Variants in KIAA0825 observed in about 807,000 individuals in gnomAD.
KIAA0825 encodes KIAA0825, also known as uncharacterized protein KIAA0825.
A neutral mutation model predicts 147.6 loss-of-function variants in KIAA0825; 119 were observed. That is an observed-to-expected ratio of 0.81 (90% CI 0.69 to 0.94). KIAA0825 has a LOEUF of 0.94. Among genes scored for constraint, KIAA0825 ranks in the 40% least tolerant of loss-of-function variants. The pLI is 0.00. For synonymous variants in KIAA0825, 470 were observed against 518.1 expected (o/e 0.91, Z 1.26); for missense variants, 1,381 against 1,472.7 (o/e 0.94, Z 1.02).
chr5:94,495,173 G>A (rs1434302277), intron 5 of KIAA0825, among the ~76,000 whole-genome samples: 1 of 152,188 alleles, frequency 6.6e-6, no homozygotes, highest in Non-Finnish European at 1.5e-5. Flanking sequence ...GCAATCCCTA[G>A]TGCCCACCTG....
intron 14 of KIAA0825, among the ~76,000 whole-genome samples, chr5:94,421,272 C>T (rs1022987444): frequency 5.3e-5 from 8 of 152,286 alleles, no homozygotes; most frequent in East Asian, 3.9e-4. Flanking sequence ...AAACAGGTGG[C>T]GGGAAGGGGC....
intron 16 of KIAA0825, among the ~76,000 whole-genome samples, chr5:94,396,928 T>C (rs1438485844): frequency 1.3e-5 from 2 of 151,856 alleles, no homozygotes; most frequent in Non-Finnish European, 1.5e-5. Flanking sequence ...TCAGGACTGG[T>C]TTCTCTCCTT....
chr5:94,198,975 G>A (rs1771402513), intron 20 of KIAA0825, among the ~76,000 whole-genome samples: 1 of 152,128 alleles, frequency 6.6e-6, no homozygotes, highest in Non-Finnish European at 1.5e-5. Flanking sequence ...TCCTTAGATT[G>A]GGTTTCAAAC....
chr5:94,602,706 C>T (rs184410240), intron 1 of KIAA0825, among the ~76,000 whole-genome samples: 21 of 152,248 alleles, frequency 1.4e-4, no homozygotes, highest in Admixed American at 9.2e-4. Context: ...TCCATTCTTC[C>T]CTCTCCTGCT....
At chr5:94,577,987 T>G (rs568044697) in intron 2 of KIAA0825, among the ~76,000 whole-genome samples, 1 of 152,308 alleles carries the variant, frequency 6.6e-6, no homozygotes, top group East Asian at 1.9e-4. Flanking sequence ...CATAATCAAG[T>G]GGCATTTAGC....
chr5:94,280,144 G>A (rs1413879918), intron 20 of KIAA0825, among the ~76,000 whole-genome samples: 2 of 152,016 alleles, frequency 1.3e-5, no homozygotes, highest in Non-Finnish European at 2.9e-5. Flanking sequence ...CTGGAGTTCG[G>A]AACACTAGTT....
chr5:94,229,331 C>A (rs1353307445), intron 20 of KIAA0825, among the ~76,000 whole-genome samples: 1 of 152,072 alleles, frequency 6.6e-6, no homozygotes, highest in East Asian at 1.9e-4. Context: ...TATTCTGATT[C>A]CCAGTGCTCT....
intron 14 of KIAA0825, among the ~76,000 whole-genome samples, chr5:94,434,755 C>T (rs1412467775): frequency 6.6e-6 from 1 of 152,134 alleles, no homozygotes; most frequent in African/African-American, 2.4e-5. Flanking sequence ...GGGCTAAACT[C>T]ATCCTTTTTA....
At chr5:94,301,002 GATGATAGGAAATTC>G (rs1778373503) in intron 20 of KIAA0825, among the ~76,000 whole-genome samples, 1 of 152,112 alleles carries the variant, frequency 6.6e-6, no homozygotes, top group African/African-American at 2.4e-5. Flanking sequence ...TTAATAGGTG[GATGATAGGAAATTC>G]ATAGGAAACA....
At chr5:94,244,310 CA>C (rs1775496499) in intron 20 of KIAA0825, among the ~76,000 whole-genome samples, 1 of 152,120 alleles carries the variant, frequency 6.6e-6, no homozygotes, top group African/African-American at 2.4e-5. Flanking sequence ...GACTTGGAAG[CA>C]TTCAAGTTTT....
intron 20 of KIAA0825, among the ~76,000 whole-genome samples, chr5:94,357,368 A>T (rs1784401736): frequency 6.6e-6 from 1 of 152,238 alleles, no homozygotes; most frequent in East Asian, 1.9e-4. Flanking sequence ...ATAAGAAAAA[A>T]ATCAAATAAA....
intron 20 of KIAA0825, among the ~76,000 whole-genome samples, chr5:94,253,437 T>A (rs1776079143): frequency 6.6e-6 from 1 of 152,152 alleles, no homozygotes; most frequent in African/African-American, 2.4e-5. Context: ...GCAGACGCAG[T>A]ATTCATAACT....
intron 13 of KIAA0825, among the ~76,000 whole-genome samples, chr5:94,444,732 A>C (rs1489594918): frequency 2.0e-5 from 3 of 152,118 alleles, no homozygotes; most frequent in Admixed American, 2.0e-4. Context: ...ATTAAGCTTA[A>C]ATAAATGAAT....
rs1562284160 is a variant in KIAA0825 at position 94,152,874 on chromosome 5, AT to A, written c.*1132del. The A allele has an allele frequency of 2.3e-4, 13 of 56,892 alleles. 2 individuals carry two copies. The highest frequency in any genetic ancestry group is 3.3e-4 in the Non-Finnish European group (10 of 30,266). The allele number at this position is 56,892 out of a possible 1,614,324, so 3.5% of individuals were successfully genotyped here. On this transcript the variant is annotated 3_prime_UTR_variant, in exon 21 of 21. Transcript: ENST00000682413. ...AAAAAAATTATATATATATATATAT[AT>A]ATATATATATATATATATATATATA...
intron 5 of KIAA0825, among the ~76,000 whole-genome samples, chr5:94,506,673 A>T (rs1765775081): frequency 1.3e-5 from 2 of 152,204 alleles, no homozygotes; most frequent in Admixed American, 1.3e-4. Context: ...TATACTTTTT[A>T]AAAATATATA....
chr5:94,518,345 C>G (rs1767583596), intron 5 of KIAA0825, among the ~76,000 whole-genome samples: 1 of 152,132 alleles, frequency 6.6e-6, no homozygotes, highest in Non-Finnish European at 1.5e-5. Flanking sequence ...TAGCACAGAA[C>G]ATGGTAGCTG....
intron 15 of KIAA0825, among the ~76,000 whole-genome samples, chr5:94,408,622 C>G (rs1752381055): frequency 6.6e-6 from 1 of 151,990 alleles, no homozygotes; most frequent in Non-Finnish European, 1.5e-5. Flanking sequence ...ATCTGCCCAC[C>G]TTGGCCTGCT....
At chr5:94,570,401 C>T (rs1290468917) in intron 2 of KIAA0825, 2 of 153,802 alleles carry the variant, frequency 1.3e-5, no homozygotes, top group Non-Finnish European at 2.9e-5. Context: ...TCCCAATAAA[C>T]TAGGAGGCAT....
chr5:94,549,542 T>C (rs1775101473), intron 2 of KIAA0825, among the ~76,000 whole-genome samples: 1 of 152,080 alleles, frequency 6.6e-6, no homozygotes, highest in African/African-American at 2.4e-5. Context: ...TGAAACCCTA[T>C]CTCTACTAAA....
Sources: allele counts gnomAD v4.1 joint callset (sites outside exome capture counted in the v4.1 genomes callset), GRCh38; gene constraint gnomAD v4.1.1; transcripts MANE v1.5; gene names NCBI Gene and HGNC (gene_info 2026-07-23, HGNC 2026-07-21).